The following FAM83A variants were observed in gnomAD, a reference collection of about 807,000 sequenced individuals.
FAM83A encodes the protein scaffolding CK1 anchoring protein A.
A neutral mutation model predicts 24.4 loss-of-function variants in FAM83A; 21 were observed. That is an observed-to-expected ratio of 0.86 (90% CI 0.61 to 1.24). FAM83A has a LOEUF of 1.24. FAM83A is among the 50% of genes most tolerant of loss of function. The pLI, the probability that FAM83A is intolerant of heterozygous loss-of-function variation, is 0.00. For synonymous variants in FAM83A, 270 were observed against 252.4 expected, an observed-to-expected ratio of 1.07 and a Z score of -0.66; for missense variants, 617 against 579.8, an observed-to-expected ratio of 1.06 and a Z score of -0.66.
intron 1 of FAM83A, among the ~76,000 whole-genome samples, chr8:123,184,255 G>A (rs1157398995): frequency 6.6e-6 from 1 of 151,996 alleles, no homozygotes; most frequent in Non-Finnish European, 1.5e-5. Flanking sequence ...CTCTTCCCCA[G>A]AAAACCTTTC....
At position 123,209,622 on chromosome 8, in the gene FAM83A, C is replaced by A; in HGVS notation, c.*1934C>A. The A allele has an allele frequency of 2.6e-6, 4 of 1,526,192 alleles. No individual in the cohort carries two copies. The Middle Eastern group carries it at 6.8e-4, about 258-fold the overall frequency. The allele number at this position is 1,526,192 out of a possible 1,614,324, so 94.5% of individuals were successfully genotyped here. A position where few individuals can be genotyped will look rare whatever the true frequency, so the allele number is the denominator to read the frequency against. On this transcript the variant is annotated 3_prime_UTR_variant, in exon 4 of 4. Coordinates refer to ENST00000690554, the Ensembl canonical transcript of FAM83A. The surrounding 1 kb of genome is among the most constrained non-coding windows in gnomAD (Gnocchi z 4.7). The stretch of plus-strand genomic sequence containing the variant: ...GAAAGTTTAAGGAAGGCAAAGCTTG[C>A]CAGGTCACAGAAGCTCCCAAGCCCA...
intron 1 of FAM83A, among the ~76,000 whole-genome samples, chr8:123,187,396 C>G (rs1373383590): frequency 6.6e-6 from 1 of 152,146 alleles, no homozygotes; most frequent in Admixed American, 6.5e-5. Flanking sequence ...TCCCAGACAA[C>G]CCTTCGCAGC....
exon 4 of FAM83A, chr8:123,208,823 A>G: frequency 3.2e-6 from 3 of 931,972 alleles, no homozygotes; most frequent in Non-Finnish European, 3.8e-6. Context: ...CCTGACCAAT[A>G]TGGTGAAACC....
At chr8:123,182,236 G>A (rs559283004), upstream of FAM83A, 2 of 408,634 alleles carry the variant, frequency 4.9e-6, no homozygotes, top group East Asian at 1.4e-4. Context: ...GGGCACTTGG[G>A]TGTGACCAAG....
chr8:123,201,576 A>G (rs1054170277), intron 3 of FAM83A: 4 of 152,212 alleles, frequency 2.6e-5, no homozygotes, highest in African/African-American at 9.6e-5. Context: ...TGTTTCCAGT[A>G]AAAACAAAAA....
intron 3 of FAM83A, among the ~76,000 whole-genome samples, chr8:123,200,962 A>T (rs1461800690): frequency 0.028 from 3,968 of 141,106 alleles, 208 homozygotes; most frequent in African/African-American, 0.097. Flanking sequence ...ATAAACAAAA[A>T]AAAAAAATAT....
chr8:123,196,246 A>G (rs1254219887), intron 3 of FAM83A, among the ~76,000 whole-genome samples: 1 of 152,238 alleles, frequency 6.6e-6, no homozygotes, highest in Admixed American at 6.5e-5. Flanking sequence ...TACTGACCTC[A>G]GATGATCCAC....
chr8:123,179,927 T>C (rs193273445), upstream of FAM83A: 3 of 152,176 alleles, frequency 2.0e-5, no homozygotes, highest in East Asian at 5.8e-4. Flanking sequence ...CCTATGCATA[T>C]TCAGGAACCA....
At chr8:123,192,320 C>G (rs1427712048) in intron 2 of FAM83A, among the ~76,000 whole-genome samples, 1 of 152,180 alleles carries the variant, frequency 6.6e-6, no homozygotes, top group East Asian at 1.9e-4. Flanking sequence ...TCATGGGTAT[C>G]TGGTGAGCAG....
At chr8:123,182,391 C>T (rs1171368306), upstream of FAM83A, 13 of 361,046 alleles carry the variant, frequency 3.6e-5, 1 homozygote, top group South Asian at 2.3e-4. Flanking sequence ...AATCGAGGCA[C>T]CCAGGAGGGG....
chr8:123,182,812 A>C, exon 1 of FAM83A: 1 of 1,507,420 alleles, frequency 6.6e-7, no homozygotes, highest in Non-Finnish European at 8.9e-7. Context: ...CATCTGGAGG[A>C]GCTGACGTGC....
intron 1 of FAM83A, 22 bp from the exon 2 acceptor site, chr8:123,191,781 T>C (rs771792615): frequency 6.2e-7 from 1 of 1,612,024 alleles, no homozygotes; most frequent in Non-Finnish European, 8.5e-7. Flanking sequence ...TTCTGGTAAC[T>C]GAGCACTCTG....
intron 3 of FAM83A, among the ~76,000 whole-genome samples, chr8:123,203,393 G>C (rs1350363674): frequency 6.6e-6 from 1 of 151,874 alleles, no homozygotes; most frequent in East Asian, 1.9e-4. Flanking sequence ...TTCAAGACCA[G>C]CCTGGCCAAC....
exon 4 of FAM83A, chr8:123,208,144 GAA>G: frequency 1.0e-6 from 1 of 994,276 alleles, no homozygotes; most frequent in Non-Finnish European, 1.2e-6. Flanking sequence ...ATTCAGGAAA[GAA>G]AGACTGAGGA....
chr8:123,181,752 T>C (rs1259254269), upstream of FAM83A: 1 of 299,684 alleles, frequency 3.3e-6, no homozygotes, highest in East Asian at 7.7e-5. Context: ...TCCACAGCAG[T>C]GGCCTGCTCC....
At chr8:123,203,943 G>A (rs1249540708) in intron 3 of FAM83A, among the ~76,000 whole-genome samples, 7 of 139,396 alleles carry the variant, frequency 5.0e-5, no homozygotes, top group Admixed American at 7.3e-5. Flanking sequence ...GGCAACAAGA[G>A]TGAAACTCCA....
chr8:123,181,841 C>T (rs562960122), upstream of FAM83A: 5 of 345,058 alleles, frequency 1.4e-5, no homozygotes, highest in East Asian at 1.5e-4. Context: ...AATGATCTTC[C>T]GACCAACCAC....
upstream of FAM83A, chr8:123,182,638 G>T: frequency 1.3e-6 from 1 of 774,616 alleles, no homozygotes; most frequent in South Asian, 1.5e-5. Flanking sequence ...GGCCCTGAGA[G>T]ATAAGCCAAT....
intron 1 of FAM83A, 70 bp downstream of exon 1, chr8:123,183,406 G>A (rs1823683250): frequency 1.8e-5 from 28 of 1,542,218 alleles, no homozygotes; most frequent in Non-Finnish European, 2.3e-5. Flanking sequence ...AGAGCAGGGA[G>A]GGGGGTGCAT....
Sources: allele counts gnomAD v4.1 joint callset (sites outside exome capture counted in the v4.1 genomes callset), GRCh38; gene constraint gnomAD v4.1.1; non-coding constraint Gnocchi (gnomAD v3.1); transcripts MANE v1.5; gene names NCBI Gene and HGNC (gene_info 2026-07-23, HGNC 2026-07-21).